C2CD3: variants seen among roughly 807,000 people sequenced by gnomAD.
The protein encoded by C2CD3 is C2 domain-containing protein 3.
Under a neutral mutation model 234.0 loss-of-function variants are expected in C2CD3, and 148 were observed. The ratio of observed to expected loss-of-function variants is 0.63; its 90% CI spans 0.55 to 0.72. C2CD3 has a LOEUF of 0.72. C2CD3 is among the 30% of genes least tolerant of loss of function. The probability of loss-of-function intolerance (pLI) is 0.00; values close to 1 mark genes in which losing one functional copy is unlikely to be tolerated. For missense variants in C2CD3, 2,577 were observed against 2,811.5 expected, an observed-to-expected ratio of 0.92 and a Z score of 1.89; for synonymous variants, 1,000 against 1,035.4, an observed-to-expected ratio of 0.97 and a Z score of 0.66.
chr11:74,144,210 T>A (rs1474149716), intron 3 of C2CD3, among the ~76,000 whole-genome samples: 10 of 152,190 alleles, frequency 6.6e-5, no homozygotes, highest in Admixed American at 6.5e-4. Context: ...TGGGTCCTTC[T>A]TATCATATCC....
At chr11:74,129,836 GC>G (rs1957579481) in intron 7 of C2CD3, 1 of 177,736 alleles carries the variant, frequency 5.6e-6, no homozygotes, top group African/African-American at 2.7e-5. Flanking sequence ...ACCTCGTGAG[GC>G]CGAGGCTGGC....
intron 24 of C2CD3, 120 bp from the exon 25 acceptor site, chr11:74,057,664 TC>T (rs902563324): frequency 4.3e-5 from 43 of 997,852 alleles, no homozygotes; most frequent in Non-Finnish European, 1.5e-6. Flanking sequence ...GCTCAAGCTA[TC>T]CCCCTGTGTC....
chr11:74,022,079 TCG>T, intron 32 of C2CD3, among the ~76,000 whole-genome samples: 1 of 151,330 alleles, frequency 6.6e-6, no homozygotes, highest in Non-Finnish European at 1.5e-5. Context: ...TGAGCTGAGA[TCG>T]CACCACCACA....
chr11:74,036,535 T>G (rs1287570681), intron 30 of C2CD3: 1 of 455,754 alleles, frequency 2.2e-6, no homozygotes, highest in African/African-American at 2.0e-5. Context: ...AATCAAGGTG[T>G]TTTTCTCTCC....
chr11:74,043,597 T>C (rs1256108191), intron 28 of C2CD3, among the ~76,000 whole-genome samples: 7 of 152,114 alleles, frequency 4.6e-5, no homozygotes, highest in African/African-American at 7.2e-5. Context: ...CCACCGGCAA[T>C]GTATAAGGGT....
chr11:74,085,991 A>T (rs1955627523), intron 20 of C2CD3, 105 bp from the exon 21 acceptor site: 1 of 1,134,042 alleles, frequency 8.8e-7, no homozygotes, highest in East Asian at 2.6e-5. Context: ...CACCAAGAAT[A>T]AAACCAACTA....
intron 5 of C2CD3, among the ~76,000 whole-genome samples, chr11:74,134,193 G>A (rs1449069495): frequency 6.6e-6 from 1 of 152,172 alleles, no homozygotes; most frequent in Non-Finnish European, 1.5e-5. Flanking sequence ...GACTACTTTT[G>A]TTTTCCAGAT....
chr11:74,028,724 AT>A (rs1360371460), intron 31 of C2CD3, among the ~76,000 whole-genome samples: 1 of 152,144 alleles, frequency 6.6e-6, no homozygotes, highest in Non-Finnish European at 1.5e-5. Flanking sequence ...TGATATGATT[AT>A]TTTCCTCAAT....
At chr11:74,106,575 G>A in intron 12 of C2CD3, 82 bp from the exon 13 acceptor site, 1 of 1,271,164 alleles carries the variant, frequency 7.9e-7, no homozygotes, top group Non-Finnish European at 1.1e-6. Context: ...ACATATGATG[G>A]CTTATAAAGG....
Position 74,113,832 on chromosome 11 carries a change from T to C in C2CD3, c.1791A>G (p.Thr597=), listed in dbSNP as rs1956836581. The change falls in exon 11 of 33, where the codon ACA becomes ACG. Residue 597 remains threonine, a synonymous_variant. Coordinates refer to ENST00000334126, the MANE Select transcript of C2CD3 (RefSeq NM_001286577.2). ...VGFSESGLGK[T]ALITEVVRLA... ...GTCGAACAACCTCAGTGATCAAAGC[T>C]GTCTTTCCCAATCCGCTTTCCGAAA... 1 of 1,611,572 alleles carries C rather than the reference T, an allele frequency of 6.2e-7. No individual in the cohort carries two copies. Among genetic ancestry groups the C allele is most frequent in the South Asian group, 1.1e-5 (1 of 90,046 alleles).
chr11:74,034,219 T>C lies in C2CD3; in HGVS notation c.5941A>G (p.Arg1981Gly). 6.5e-7 allele frequency: 1 copy of C among 1,536,262 alleles called. No individual in the cohort carries two copies. Among genetic ancestry groups the C allele is most frequent in the Non-Finnish European group, 8.7e-7 (1 of 1,146,914 alleles). Residue 1981 changes from arginine to glycine, a missense_variant, in exon 31 of 33, where the codon AGA (arginine) becomes GGA (glycine). Coordinates refer to ENST00000334126, the MANE Select transcript of C2CD3 (RefSeq NM_001286577.2). Reference protein sequence around the residue: ...AALSSHRARSRSNKATTLPDA... With the variant: ...AALSSHRARSGSNKATTLPDA... ...GGGAGGGTGGTGGCCTTGTTGCTTCTACTCCTGGCTCGGTGAGAACTCAAA... is the reference window on the plus strand; with the variant it reads ...GGGAGGGTGGTGGCCTTGTTGCTTCCACTCCTGGCTCGGTGAGAACTCAAA...
intron 3 of C2CD3, among the ~76,000 whole-genome samples, chr11:74,149,229 T>C (rs182603641): frequency 3.3e-4 from 51 of 152,372 alleles, no homozygotes; most frequent in African/African-American, 1.2e-3. Context: ...ACACTGATTA[T>C]TGATCTGACT....
chr11:74,116,872 A>G (rs1417228048), intron 9 of C2CD3, among the ~76,000 whole-genome samples: 3 of 135,080 alleles, frequency 2.2e-5, no homozygotes, highest in Non-Finnish European at 3.2e-5. Flanking sequence ...ACACGTGTAT[A>G]TGTATATATA....
chr11:74,062,549 A>T (rs1419275686), intron 24 of C2CD3, among the ~76,000 whole-genome samples: 1 of 152,202 alleles, frequency 6.6e-6, no homozygotes, highest in Non-Finnish European at 1.5e-5. Context: ...AAATGAAGGC[A>T]GAAATAAAGA....
chr11:74,044,877 G>A (rs1168789563), intron 28 of C2CD3, among the ~76,000 whole-genome samples: 1 of 151,694 alleles, frequency 6.6e-6, no homozygotes, highest in African/African-American at 2.4e-5. Context: ...TTGCTGCAAA[G>A]AACATGATTT....
At chr11:74,041,874 C>A (rs1158167364) in intron 29 of C2CD3, among the ~76,000 whole-genome samples, 180 bp downstream of exon 29, 1 of 152,200 alleles carries the variant, frequency 6.6e-6, no homozygotes, top group Non-Finnish European at 1.5e-5. Context: ...GATACAGATT[C>A]ATCTATGAGG....
At chr11:74,159,234 T>C (rs772597183) in intron 3 of C2CD3, among the ~76,000 whole-genome samples, 4 of 152,228 alleles carry the variant, frequency 2.6e-5, no homozygotes, top group African/African-American at 4.8e-5. Context: ...TTGATAATGA[T>C]AATAAACAAC....
intron 3 of C2CD3, among the ~76,000 whole-genome samples, chr11:74,148,424 T>C (rs758374012): frequency 9.2e-5 from 14 of 151,642 alleles, no homozygotes; most frequent in Non-Finnish European, 1.5e-4. Flanking sequence ...TACACACATA[T>C]ACCTTATATG....
chr11:74,082,488 G>A (rs1008023514), intron 22 of C2CD3, among the ~76,000 whole-genome samples: 3 of 152,098 alleles, frequency 2.0e-5, no homozygotes, highest in African/African-American at 7.2e-5. Flanking sequence ...AGAGTTTTTA[G>A]CATGAAGGGC....
Sources: allele counts gnomAD v4.1 joint callset (sites outside exome capture counted in the v4.1 genomes callset), GRCh38; gene constraint gnomAD v4.1.1; transcripts MANE v1.5; gene names NCBI Gene and HGNC (gene_info 2026-07-23, HGNC 2026-07-21).